CPN1: variants seen among roughly 807,000 people sequenced by gnomAD.
The protein encoded by CPN1 is carboxypeptidase N catalytic chain.
Under a neutral mutation model 46.4 loss-of-function variants are expected in CPN1, and 37 were observed. The observed-to-expected ratio is 0.80, with a 90% CI of 0.61 to 1.05. The LOEUF is 1.05. Ranked by LOEUF, CPN1 falls within the 50% of genes least tolerant of loss-of-function variation. The pLI is 0.00. For synonymous variants in CPN1, 224 were observed against 235.4 expected, an observed-to-expected ratio of 0.95 and a Z score of 0.44; for missense variants, 563 against 602.6, an observed-to-expected ratio of 0.93 and a Z score of 0.69.
Position 100,056,953 on chromosome 10 carries a change from C to G in CPN1, c.1011+60G>C, listed in dbSNP as rs2041387561. ...AGACCTGAACCAGTGAAACACCTTGCCTGCCATTGAGAAGCACTTCTCTTT... is the reference window on the plus strand; with the variant it reads ...AGACCTGAACCAGTGAAACACCTTGGCTGCCATTGAGAAGCACTTCTCTTT... On this transcript the variant is annotated intron_variant, in intron 6 of 8. Coordinates refer to ENST00000370418, the MANE Select transcript of CPN1 (RefSeq NM_001308.3). 31 of 1,609,924 alleles carry G rather than the reference C, an allele frequency of 1.9e-5. No homozygotes were observed. The South Asian group carries it at 3.0e-4, about 15-fold the overall frequency.
chr10:100,076,073 G>T lies in CPN1; in HGVS notation c.258C>A (p.His86Gln), dbSNP rs141105015. ...EPEVKYVGNM[H>Q]GNEALGRELM... ...GCTCGCGGCCCAACGCTTCGTTGCC[G>T]TGCATGTTCCCCACATACTTGACCT... The change falls in exon 2 of 9, where the codon CAC becomes CAA. Residue 86 changes from histidine to glutamine, a missense_variant. Transcript: ENST00000370418. 1 of 1,614,198 alleles carries T rather than the reference G, an allele frequency of 6.2e-7. No individual in the cohort carries two copies. Among genetic ancestry groups the T allele is most frequent in the Non-Finnish European group, 8.5e-7 (1 of 1,180,050 alleles).
intron 2 of CPN1, among the ~76,000 whole-genome samples, chr10:100,070,883 T>C (rs896295392): frequency 5.3e-5 from 8 of 152,248 alleles, no homozygotes; most frequent in African/African-American, 1.9e-4. Flanking sequence ...TAATCATCAT[T>C]GCAATCTAAT....
At chr10:100,081,104 G>A (rs1371036835) in intron 1 of CPN1, among the ~76,000 whole-genome samples, 3 of 152,066 alleles carry the variant, frequency 2.0e-5, no homozygotes, top group Non-Finnish European at 2.9e-5. Flanking sequence ...GAAAAGAAAG[G>A]AAATGGGGGA....
At chr10:100,079,538 G>A (rs556056778) in intron 1 of CPN1, among the ~76,000 whole-genome samples, 6 of 152,328 alleles carry the variant, frequency 3.9e-5, no homozygotes, top group African/African-American at 1.2e-4. Flanking sequence ...GAACACTCAC[G>A]AGCTTCCACA....
chr10:100,064,745 C>T (rs1264425687), intron 4 of CPN1, among the ~76,000 whole-genome samples: 2 of 151,930 alleles, frequency 1.3e-5, no homozygotes, highest in East Asian at 3.8e-4. Flanking sequence ...GTTAACATAT[C>T]GTTTTGAACT....
rs770980058 is a variant in CPN1 at position 100,042,294 on chromosome 10, T to C, written c.*133A>G. 7.2e-6 allele frequency: 9 copies of C among 1,256,798 alleles called. No individual in the cohort carries two copies. The highest frequency in any genetic ancestry group is 9.2e-6 in the Non-Finnish European group (8 of 869,942). The allele number at this position is 1,256,798 out of a possible 1,614,324, so 77.9% of individuals were successfully genotyped here. ...AGAGATGGCTTACCCCTGGAACAGA[T>C]GGAGACCATTCTGAATTGTTCTGAA... is the stretch of plus-strand genomic sequence containing the variant. On this transcript the variant is annotated 3_prime_UTR_variant, in exon 9 of 9. Coordinates refer to ENST00000370418, the MANE Select transcript of CPN1 (RefSeq NM_001308.3).
chr10:100,079,140 A>C (rs550171084), intron 1 of CPN1, among the ~76,000 whole-genome samples: 34 of 152,238 alleles, frequency 2.2e-4, no homozygotes, highest in Admixed American at 8.5e-4. Flanking sequence ...CCTCCATGCC[A>C]TCCTTATCTC....
In CPN1 at chr10:100,063,656, C is replaced by G. The variant is rs1403650633; in HGVS notation, c.829G>C (p.Asp277His). ...CAGGAAGCCCCATTGGTGATGCCAT[C>G]TGGGAAGTAATCTCCGCAGTTCCAA... ...QGWNCGDYFP[D>H]GITNGASWYS... Residue 277 changes from aspartate to histidine, a missense_variant, in exon 5 of 9, where the codon GAT becomes CAT. Transcript: ENST00000370418. 1.2e-6 allele frequency: 2 copies of G among 1,613,958 alleles called. No homozygotes were observed. The highest frequency in any genetic ancestry group is 2.7e-5 in the African/African-American group (2 of 74,906).
intron 7 of CPN1, among the ~76,000 whole-genome samples, chr10:100,053,056 A>C (rs923148419): frequency 6.6e-6 from 1 of 152,148 alleles, no homozygotes; most frequent in Non-Finnish European, 1.5e-5. Context: ...AAAAAGAAGA[A>C]ACAAATAAAA....
chr10:100,071,727 T>C (rs947302467), intron 2 of CPN1, among the ~76,000 whole-genome samples: 4 of 152,234 alleles, frequency 2.6e-5, no homozygotes, highest in Non-Finnish European at 4.4e-5. Context: ...CCTTAAACAG[T>C]ACATTATAAC....
At chr10:100,055,264 C>T (rs1391478418) in intron 6 of CPN1, among the ~76,000 whole-genome samples, 8 of 151,576 alleles carry the variant, frequency 5.3e-5, no homozygotes, top group South Asian at 2.1e-4. Flanking sequence ...TAATGTTGTG[C>T]GACCATCATC....
intron 3 of CPN1, 64 bp from the exon 4 acceptor site, chr10:100,065,434 G>C: frequency 6.3e-7 from 1 of 1,579,558 alleles, no homozygotes; most frequent in Non-Finnish European, 8.7e-7. Flanking sequence ...ACGGCGGTTA[G>C]AGTAAGTCTG....
chr10:100,081,533 A>T lies in CPN1; in HGVS notation c.93T>A (p.Leu31=), dbSNP rs200035303. Reference sequence around the variant, plus strand: ...TTTGCACCTTGTACAGCGTCCGCACAAGATCATCATAGCGGTGGTGGCGAA... The same window carrying T: ...TTTGCACCTTGTACAGCGTCCGCACTAGATCATCATAGCGGTGGTGGCGAA... ...VTFRHHRYDD[L]VRTLYKVQNE... Residue 31 remains leucine, a synonymous_variant, in exon 1 of 9, where the codon CTT becomes CTA. Transcript: ENST00000370418. 45 of 1,614,174 alleles carry T rather than the reference A, an allele frequency of 2.8e-5. No individual in the cohort carries two copies. The East Asian group carries it at 1.0e-3, about 36-fold the overall frequency.
chr10:100,049,243 C>T lies in CPN1; in HGVS notation c.1112-367G>A, dbSNP rs567237966. 1.9e-4 allele frequency among the ~76,000 whole-genome samples: 28 copies of T among 149,722 alleles called. No homozygotes were observed. The East Asian group carries it at 2.0e-3, about 11-fold the overall frequency. On this transcript the variant is annotated intron_variant, in intron 7 of 8. Transcript: ENST00000370418. Reference sequence around the variant, plus strand: ...CAGTGCTGGGATTACAGGCGTGAGCCGCTGAGCCCGTTGGCTTTTTTTTTT... The same window carrying T: ...CAGTGCTGGGATTACAGGCGTGAGCTGCTGAGCCCGTTGGCTTTTTTTTTT...
intron 7 of CPN1, 142 bp from the exon 8 acceptor site, chr10:100,049,018 G>C (rs2041334375): frequency 4.8e-6 from 3 of 631,276 alleles, no homozygotes; most frequent in South Asian, 4.5e-5. Flanking sequence ...GAGTGAAGTG[G>C]TGTGATCTCA....
intron 8 of CPN1, 78 bp from the exon 9 acceptor site, chr10:100,042,651 A>C: frequency 6.3e-7 from 1 of 1,578,316 alleles, no homozygotes; most frequent in Non-Finnish European, 8.7e-7. Flanking sequence ...AGGGCTGGGT[A>C]CTAGGGAAAA....
At chr10:100,043,288 G>A (rs546268618) in intron 8 of CPN1, among the ~76,000 whole-genome samples, 25 of 149,130 alleles carry the variant, frequency 1.7e-4, no homozygotes, top group African/African-American at 5.9e-4. Flanking sequence ...CCAGCTACTC[G>A]GGAGGCTGAG....
chr10:100,051,266 CT>C (rs1310923206), intron 7 of CPN1, among the ~76,000 whole-genome samples: 3 of 152,090 alleles, frequency 2.0e-5, no homozygotes, highest in Admixed American at 6.6e-5. Context: ...TTTCTGCCCC[CT>C]ATTAAATGTC....
At chr10:100,078,595 A>G (rs1187269264) in intron 1 of CPN1, among the ~76,000 whole-genome samples, 3 of 152,198 alleles carry the variant, frequency 2.0e-5, no homozygotes, top group Non-Finnish European at 4.4e-5. Flanking sequence ...TGTCTCTGTC[A>G]CAGCTACTCA....
Sources: gnomAD v4.1 joint callset for allele counts (sites outside exome capture counted in the v4.1 genomes callset) on GRCh38, gnomAD v4.1.1 for gene constraint, MANE v1.5 for transcripts, NCBI Gene and HGNC (gene_info 2026-07-23, HGNC 2026-07-21) for gene names.